The following JAZF1 variants were observed in gnomAD, a reference collection of about 807,000 sequenced individuals.
JAZF1 encodes juxtaposed with another zinc finger protein 1.
Under a neutral mutation model 26.4 loss-of-function variants are expected in JAZF1, and 8 were observed. The ratio of observed to expected loss-of-function variants is 0.30; its 90% CI spans 0.18 to 0.55. The LOEUF is 0.55. Ranked by LOEUF, JAZF1 falls within the 20% of genes least tolerant of loss-of-function variation. JAZF1 has a pLI of 0.94. For synonymous variants in JAZF1, 126 were observed against 122.3 expected (o/e 1.03, Z -0.20); for missense variants, 199 against 322.0 (o/e 0.62, Z 2.92).
rs116088578 is a variant in JAZF1, at chr7:27,844,827, T to A, written c.386-3960A>T. On this transcript the variant is annotated intron_variant, in intron 3 of 4. Transcript: ENST00000283928. ...CACAGTCTGCACTGAGGCTATCAGG[T>A]TGAAATGAGGCTCTGGGCTACTCTA... Among the ~76,000 whole-genome samples the A allele has an allele frequency of 8.1e-3, 1,234 of 152,236 alleles. 18 individuals carry two copies. The highest frequency in any genetic ancestry group is 0.028 in the African/African-American group (1,173 of 41,532).
At position 28,038,984 on chromosome 7, in the gene JAZF1, C is replaced by T. The variant is rs1044489191; in HGVS notation, c.116-47003G>A. On this transcript the variant is annotated intron_variant, in intron 1 of 4. Coordinates refer to ENST00000283928, the MANE Select transcript of JAZF1 (RefSeq NM_175061.4). ...TGTAAGCAGGTATTATCTTTTATCT[C>T]TACAACTTTAATGCTTAGCACATTG... Among the ~76,000 whole-genome samples, 12 of 152,252 alleles carry T rather than the reference C, an allele frequency of 7.9e-5. No homozygotes were observed. In the South Asian group the frequency reaches 1.2e-3, roughly 16 times the overall value.
intron 2 of JAZF1, among the ~76,000 whole-genome samples, chr7:27,920,558 C>G (rs1335936718): frequency 1.3e-5 from 2 of 152,056 alleles, no homozygotes; most frequent in African/African-American, 4.8e-5. Context: ...ATCCTGACAT[C>G]AGAAAAAACT....
At chr7:28,103,202 T>C (rs1784501085) in intron 1 of JAZF1, among the ~76,000 whole-genome samples, 1 of 152,138 alleles carries the variant, frequency 6.6e-6, no homozygotes, top group Non-Finnish European at 1.5e-5. Context: ...ATCCAGTCTA[T>C]TGTTTTAATG....
intron 3 of JAZF1, among the ~76,000 whole-genome samples, chr7:27,880,242 A>G (rs1311555777): frequency 1.3e-5 from 2 of 152,224 alleles, no homozygotes; most frequent in Non-Finnish European, 2.9e-5. Flanking sequence ...CAAGAAACAC[A>G]TATTTGTTGG....
intron 1 of JAZF1, among the ~76,000 whole-genome samples, chr7:28,046,835 C>T (rs1235239059): frequency 6.6e-6 from 1 of 152,226 alleles, no homozygotes; most frequent in South Asian, 2.1e-4. Flanking sequence ...CTTTTCCTTA[C>T]TGATTTGTGG....
At chr7:27,934,660 C>T (rs965277821) in intron 2 of JAZF1, among the ~76,000 whole-genome samples, 13 of 152,124 alleles carry the variant, frequency 8.5e-5, no homozygotes, top group African/African-American at 2.9e-4. Flanking sequence ...GATCATTTTG[C>T]AAGGTTCAAA....
At chr7:28,158,136 T>G (rs907637503) in intron 1 of JAZF1, among the ~76,000 whole-genome samples, 1 of 144,972 alleles carries the variant, frequency 6.9e-6, no homozygotes, top group African/African-American at 2.6e-5. Flanking sequence ...GAGACCACAT[T>G]GAAAACACGC....
chr7:27,875,371 A>G (rs1398567502), intron 3 of JAZF1, among the ~76,000 whole-genome samples: 1 of 152,116 alleles, frequency 6.6e-6, no homozygotes, highest in African/African-American at 2.4e-5. Flanking sequence ...TTACAGCCCC[A>G]ATCCCAGCAG....
chr7:27,949,095 T>G (rs986958159), intron 2 of JAZF1, among the ~76,000 whole-genome samples: 1 of 152,140 alleles, frequency 6.6e-6, no homozygotes, highest in Non-Finnish European at 1.5e-5. Context: ...TGCATCCTTG[T>G]CTAGATGTTA....
rs776893069 is a variant in JAZF1 at position 27,991,925 on chromosome 7, G to A, written c.172C>T (p.Leu58=). 6.9e-6 allele frequency: 11 copies of A among 1,598,290 alleles called. No homozygotes were observed. The highest frequency in any genetic ancestry group is 1.3e-5 in the African/African-American group (1 of 74,482). The change falls in exon 2 of 5, where the codon CTG becomes TTG. Residue 58 remains leucine, a synonymous_variant. Transcript: ENST00000283928. ...ATGGCTTACCTATTTATGTAACTCA[G>A]GGCAACATAGGTTGGCTGCTGTAAT... ...QELQQPTYVA[L]SYINRFMTDA...
chr7:27,932,746 A>G (rs1775427136), intron 2 of JAZF1, among the ~76,000 whole-genome samples: 1 of 152,142 alleles, frequency 6.6e-6, no homozygotes, highest in Non-Finnish European at 1.5e-5. Flanking sequence ...CAGACTCCTC[A>G]CTCACACTCC....
chr7:28,023,362 A>C (rs918467808), intron 1 of JAZF1, among the ~76,000 whole-genome samples: 1 of 152,222 alleles, frequency 6.6e-6, no homozygotes, highest in African/African-American at 2.4e-5. Flanking sequence ...GCTGTTTTTC[A>C]AATATCATAA....
intron 2 of JAZF1, among the ~76,000 whole-genome samples, chr7:27,983,427 C>T (rs564056071): frequency 6.6e-6 from 1 of 152,122 alleles, no homozygotes; most frequent in Admixed American, 6.5e-5. Context: ...CAAACCAAAG[C>T]CTCCAAGAAA....
At chr7:28,019,479 C>G (rs1419168272) in intron 1 of JAZF1, among the ~76,000 whole-genome samples, 2 of 152,080 alleles carry the variant, frequency 1.3e-5, no homozygotes, top group Non-Finnish European at 2.9e-5. Context: ...GAAGGCAGAT[C>G]CTACAAATTG....
chr7:28,004,453 G>A (rs1782665640), intron 1 of JAZF1, among the ~76,000 whole-genome samples: 1 of 151,874 alleles, frequency 6.6e-6, no homozygotes, highest in Admixed American at 6.6e-5. Flanking sequence ...ATTCTAATAT[G>A]CAGTCAGGGT....
chr7:28,173,317 T>G (rs543763589), intron 1 of JAZF1, among the ~76,000 whole-genome samples: 1 of 152,264 alleles, frequency 6.6e-6, no homozygotes, highest in South Asian at 2.1e-4. Context: ...ACATAGGAAA[T>G]ACTCAAAAAT....
chr7:28,067,993 A>G (rs992982972), intron 1 of JAZF1, among the ~76,000 whole-genome samples: 8 of 152,052 alleles, frequency 5.3e-5, no homozygotes, highest in Non-Finnish European at 1.0e-4. Flanking sequence ...AGCTCACTGA[A>G]ACCTCCACCT....
chr7:27,851,008 T>C (rs1783137581), intron 3 of JAZF1, among the ~76,000 whole-genome samples: 1 of 152,166 alleles, frequency 6.6e-6, no homozygotes, highest in Non-Finnish European at 1.5e-5. Flanking sequence ...AATGGCACGA[T>C]CTTGGCTCAC....
intron 2 of JAZF1, among the ~76,000 whole-genome samples, chr7:27,979,609 A>G (rs2128361787): frequency 6.6e-6 from 1 of 152,098 alleles, no homozygotes; most frequent in Middle Eastern, 3.4e-3. Flanking sequence ...AGTTATTACT[A>G]AGCTATCTGA....
Sources: gnomAD v4.1 joint callset for allele counts (sites outside exome capture counted in the v4.1 genomes callset) on GRCh38, gnomAD v4.1.1 for gene constraint, MANE v1.5 for transcripts, NCBI Gene and HGNC (gene_info 2026-07-23, HGNC 2026-07-21) for gene names.